Variants in ZRANB2 observed in about 807,000 individuals in gnomAD.
ZRANB2 encodes zinc finger RANBP2-type containing 2.
A neutral mutation model predicts 53.4 loss-of-function variants in ZRANB2; 19 were observed. The ratio of observed to expected loss-of-function variants is 0.36; its 90% CI spans 0.25 to 0.52. The LOEUF (loss-of-function observed/expected upper bound fraction) is 0.52, where lower values mean the gene tolerates loss of function less well. Among genes scored for constraint, ZRANB2 ranks in the 20% least tolerant of loss-of-function variants. The pLI is 0.93. For synonymous variants in ZRANB2, 145 were observed against 134.8 expected, an observed-to-expected ratio of 1.08 and a Z score of -0.52; for missense variants, 309 against 401.1, an observed-to-expected ratio of 0.77 and a Z score of 1.96.
In ZRANB2 at chr1:71,078,702, T is replaced by A. The variant is rs76729988; in HGVS notation, c.63A>T (p.Gly21=). The A allele has an allele frequency of 9.1e-4, 1,461 of 1,612,508 alleles. 6 individuals carry two copies. In the African/African-American group the frequency reaches 0.016, roughly 17 times the overall value. ...TGGTTCTTCTAGCAAAGTTTACATT[T>A]CCACATCTAAAAACAGATTAAAAAG... ...GDWICPDKKC[G]NVNFARRTSC... The change falls in exon 2 of 10, where the codon GGA becomes GGT. Residue 21 remains glycine, a synonymous_variant. Transcript: ENST00000370920.
chr1:71,072,331 T>TA, intron 5 of ZRANB2, 76 bp from the exon 6 acceptor site: 2 of 1,467,946 alleles, frequency 1.4e-6, no homozygotes, highest in Non-Finnish European at 9.2e-7. Flanking sequence ...AAAATTATTT[T>TA]AGATATTTAT....
At chr1:71,070,167 T>A (rs1661563871) in intron 7 of ZRANB2, among the ~76,000 whole-genome samples, 1 of 152,164 alleles carries the variant, frequency 6.6e-6, no homozygotes, top group Non-Finnish European at 1.5e-5. Flanking sequence ...TTAACTGTGA[T>A]TAAGGTTTTT....
rs1661462412 is a variant in ZRANB2, at chr1:71,067,136, C to G, written c.771-202G>C. On this transcript the variant is annotated intron_variant, in intron 8 of 9. Coordinates refer to ENST00000370920, the MANE Select transcript of ZRANB2 (RefSeq NM_203350.3). ...CTACTTAAACATTTTAATTTTGTCTCTTTAAAATTCTATCATGTGTAATTA... is the reference window on the plus strand; with the variant it reads ...CTACTTAAACATTTTAATTTTGTCTGTTTAAAATTCTATCATGTGTAATTA... The G allele has an allele frequency of 7.1e-6, 3 of 425,516 alleles. No homozygotes were observed. The Admixed American group carries it at 1.3e-4, about 19-fold the overall frequency. The allele number at this position is 425,516 out of a possible 1,614,324, so 26.4% of individuals were successfully genotyped here.
chr1:71,070,701 T>G, intron 7 of ZRANB2, 126 bp downstream of exon 7: 1 of 585,260 alleles, frequency 1.7e-6, no homozygotes, highest in Non-Finnish European at 2.8e-6. Context: ...ATTTTAAAAG[T>G]TGATTTGAAT....
intron 3 of ZRANB2, 36 bp from the exon 4 acceptor site, chr1:71,076,913 A>G (rs1661722048): frequency 7.3e-7 from 1 of 1,364,764 alleles, no homozygotes; most frequent in African/African-American, 1.5e-5. Context: ...AGTAGGCTAT[A>G]ATATAGATGA....
At chr1:71,067,550 A>G (rs1048332910) in intron 8 of ZRANB2, 1 of 362,276 alleles carries the variant, frequency 2.8e-6, no homozygotes, top group South Asian at 2.1e-5. Context: ...TGACATTCAC[A>G]TGCTTCAGGT....
chr1:71,065,414 A>C (rs1223343149), intron 9 of ZRANB2, among the ~76,000 whole-genome samples: 4 of 152,110 alleles, frequency 2.6e-5, no homozygotes, highest in Non-Finnish European at 4.4e-5. Flanking sequence ...ATATCAAAGA[A>C]AAGCCTTGCA....
chr1:71,077,592 G>A (rs1661736063), intron 3 of ZRANB2, among the ~76,000 whole-genome samples: 2 of 152,062 alleles, frequency 1.3e-5, no homozygotes, highest in African/African-American at 4.8e-5. Flanking sequence ...CCCATGCCTC[G>A]CCTGTAATCC....
rs1661349057 is a variant in ZRANB2 at position 71,063,401 on chromosome 1, A to G, written c.*1673T>C. Reference sequence around the variant, plus strand: ...TCATTTCCTTATGAAATGAACTAGTACAGCTTAGTTAAACCAAATGAAATC... The same window carrying G: ...TCATTTCCTTATGAAATGAACTAGTGCAGCTTAGTTAAACCAAATGAAATC... On this transcript the variant is annotated 3_prime_UTR_variant, in exon 10 of 10. Transcript: ENST00000370920. 6.6e-6 allele frequency: 1 copy of G among 152,522 alleles called. No individual in the cohort carries two copies. 9.4% of individuals were successfully genotyped at this position (152,522 alleles called of 1,614,324 possible).
In ZRANB2 at chr1:71,065,046, AT is replaced by A; in HGVS notation, c.*27del. On this transcript the variant is annotated 3_prime_UTR_variant, in exon 10 of 10. Coordinates refer to ENST00000370920, the MANE Select transcript of ZRANB2 (RefSeq NM_203350.3). ...AAATATGCTTCATGCACTGTACTGG[AT>A]TTTTTTAAGATGTAAATTTTAATAC... 1 of 1,555,372 alleles carries A rather than the reference AT, an allele frequency of 6.4e-7. No individual in the cohort carries two copies. Among genetic ancestry groups the A allele is most frequent in the Non-Finnish European group, 8.8e-7 (1 of 1,133,244 alleles).
Position 71,078,338 on chromosome 1 carries a change from T to C in ZRANB2, c.218+119A>G. The C allele has an allele frequency of 3.8e-6, 3 of 784,244 alleles. No homozygotes were observed. The East Asian group carries it at 7.8e-5, about 20-fold the overall frequency. The allele number at this position is 784,244 out of a possible 1,614,324, so 48.6% of individuals were successfully genotyped here. ...AAAGATGAGACTGAATAACAATACC[T>C]TGGATTTAAAAGGTTACCCTGGCTT... is the stretch of plus-strand genomic sequence containing the variant. On this transcript the variant is annotated intron_variant, in intron 3 of 9. Transcript: ENST00000370920.
chr1:71,068,010 C>G (rs1661493227), intron 8 of ZRANB2, among the ~76,000 whole-genome samples: 1 of 151,902 alleles, frequency 6.6e-6, no homozygotes, highest in African/African-American at 2.4e-5. Context: ...TAAGAACACA[C>G]CACCATGCCT....
At chr1:71,076,474 G>T (rs1017958863) in intron 4 of ZRANB2, among the ~76,000 whole-genome samples, 6 of 152,120 alleles carry the variant, frequency 3.9e-5, no homozygotes, top group Admixed American at 2.0e-4. Context: ...GCTATCAAAA[G>T]AATTTAAAAA....
At chr1:71,076,694 T>C (rs753971762) in intron 4 of ZRANB2, 101 bp downstream of exon 4, 6 of 867,642 alleles carry the variant, frequency 6.9e-6, no homozygotes, top group Non-Finnish European at 9.3e-6. Flanking sequence ...ATAAACAGAA[T>C]CCTCACTTAC....
At chr1:71,077,783 G>A (rs1430587058) in intron 3 of ZRANB2, among the ~76,000 whole-genome samples, 1 of 152,200 alleles carries the variant, frequency 6.6e-6, no homozygotes, top group African/African-American at 2.4e-5. Flanking sequence ...TTGAGCCTGG[G>A]AGGTAGAGGT....
intron 1 of ZRANB2, 86 bp downstream of exon 1, chr1:71,080,854 A>T (rs866092408): frequency 2.6e-6 from 4 of 1,523,052 alleles, no homozygotes; most frequent in South Asian, 2.2e-5. Flanking sequence ...GGCACAGAAA[A>T]TCATAAAAAA....
At chr1:71,072,343 A>T in intron 5 of ZRANB2, 88 bp from the exon 6 acceptor site, 1 of 1,458,932 alleles carries the variant, frequency 6.9e-7, no homozygotes. Flanking sequence ...GATATTTATG[A>T]TTTCCTGAAA....
intron 3 of ZRANB2, among the ~76,000 whole-genome samples, chr1:71,077,155 C>T (rs1244801878): frequency 6.6e-6 from 1 of 151,996 alleles, no homozygotes; most frequent in Non-Finnish European, 1.5e-5. Flanking sequence ...AACCACAGGT[C>T]GAGTATCACT....
chr1:71,069,292 G>A lies in ZRANB2; in HGVS notation c.754C>T (p.Arg252Cys), dbSNP rs776165004. Residue 252 changes from arginine to cysteine, a missense_variant, in exon 8 of 10, where the codon CGT (arginine) becomes TGT (cysteine). Arg to Cys is a radical substitution (Grantham distance 180, BLOSUM62 -3). Transcript: ENST00000370920. ...RSSSRERSRS[R>C]GSKSRSSSRS... is the part of the protein sequence containing the mutation. ...CTCATTCACCTTGATTTCGACCCAC[G>A]AGATCTCGAACGTTCTCTGGAACTG... The A allele has an allele frequency of 2.8e-5, 45 of 1,611,284 alleles. No individual in the cohort carries two copies. The highest frequency in any genetic ancestry group is 3.5e-5 in the Non-Finnish European group (41 of 1,178,550).
Sources: allele counts gnomAD v4.1 joint callset (sites outside exome capture counted in the v4.1 genomes callset), GRCh38; gene constraint gnomAD v4.1.1; transcripts MANE v1.5; gene names NCBI Gene and HGNC (gene_info 2026-07-23, HGNC 2026-07-21).